Variants in PPRC1 observed in about 807,000 individuals in gnomAD.
The protein encoded by PPRC1 is peroxisome proliferator-activated receptor gamma coactivator-related protein 1.
PPRC1 carries 23 observed loss-of-function variants against 132.5 expected under a neutral mutation model. The ratio of observed to expected loss-of-function variants is 0.17; its 90% CI spans 0.12 to 0.25. The LOEUF is 0.25. Among genes scored for constraint, PPRC1 ranks in the 10% least tolerant of loss-of-function variants. PPRC1 has a pLI of 1.00. For missense variants in PPRC1, 2,006 were observed against 2,089.1 expected (o/e 0.96, Z 0.78); for synonymous variants, 872 against 833.5 (o/e 1.05, Z -0.80).
At chr10:102,132,845 G>C, upstream of PPRC1, 1 of 496,420 alleles carries the variant, frequency 2.0e-6, no homozygotes, top group Non-Finnish European at 3.1e-6. Flanking sequence ...CCTACAGGAT[G>C]CCTGCAGCTA....
At chr10:102,122,608 A>G in the PPRC1 span, among the ~76,000 whole-genome samples, 1 of 151,906 alleles carries the variant, frequency 6.6e-6, no homozygotes, top group African/African-American at 2.4e-5. Context: ...CCTTCCTCCA[A>G]TCCTGTGACC....
chr10:102,120,527 ATTGTCCTGC>A, the PPRC1 span: 1 of 291,998 alleles, frequency 3.4e-6, no homozygotes. Flanking sequence ...TAATATGCTA[ATTGTCCTGC>A]TAGTGGGAGG....
chr10:102,121,086 A>G, the PPRC1 span, among the ~76,000 whole-genome samples: 1 of 152,086 alleles, frequency 6.6e-6, no homozygotes, highest in Admixed American at 6.5e-5. Context: ...AAAAGGGTTA[A>G]TTAAGTGGGG....
chr10:102,140,965 T>G lies in PPRC1; in HGVS notation c.2457T>G (p.Leu819=). Residue 819 remains leucine (L), a synonymous_variant, in exon 5 of 14, where the codon CTT becomes CTG. Transcript: ENST00000278070. ...CTGAAACACCCCTTGAGATTTGCCT[T>G]GTGCCTGTAGGTCCCAGCCCTGCTT... The part of the protein sequence containing the change: ...RSPETPLEIC[L]VPVGPSPASP... 4 of 1,614,050 alleles carry G rather than the reference T, an allele frequency of 2.5e-6. No homozygotes were observed. The highest frequency in any genetic ancestry group is 3.4e-6 in the Non-Finnish European group (4 of 1,179,998).
Position 102,140,520 on chromosome 10 carries a change from T to A in PPRC1, c.2012T>A (p.Val671Asp). 1 of 1,614,102 alleles carries A rather than the reference T, an allele frequency of 6.2e-7. No individual in the cohort carries two copies. Among genetic ancestry groups the A allele is most frequent in the South Asian group, 1.1e-5 (1 of 91,080 alleles). Residue 671 changes from valine to aspartate, a missense_variant, in exon 5 of 14, where the codon GTT becomes GAT. Transcript: ENST00000278070. ...SGPAPVDLAL[V>D]DPVPNDLTPV... Reference sequence around the variant, plus strand: ...CCAGCACCAGTTGATCTAGCACTGGTTGACCCTGTTCCTAATGACCTGACT... The same window carrying A: ...CCAGCACCAGTTGATCTAGCACTGGATGACCCTGTTCCTAATGACCTGACT...
In PPRC1 at chr10:102,141,219, T is replaced by C; in HGVS notation, c.2711T>C (p.Leu904Ser). The change falls in exon 5 of 14, where the codon TTG becomes TCG. Residue 904 changes from leucine to serine, a missense_variant. Around this residue, in one of 2 missense-constraint regions of PPRC1, gnomAD observed 1,914 missense variants for 1,917.2 expected, o/e 1.00. Coordinates refer to ENST00000278070, the MANE Select transcript of PPRC1 (RefSeq NM_015062.5). ...CCCTTGCAGCCTCCTAGTCTTCCAT[T>C]GTCTATGGGGCCAGTACTACCTGAT... ...PPPLQPPSLP[L>S]SMGPVLPDPF... 2.5e-6 allele frequency: 4 copies of C among 1,613,804 alleles called. No homozygotes were observed. Among genetic ancestry groups the C allele is most frequent in the Non-Finnish European group, 3.4e-6 (4 of 1,179,852 alleles).
At chr10:102,134,375 C>G (rs894474218) in intron 1 of PPRC1, among the ~76,000 whole-genome samples, 4 of 152,056 alleles carry the variant, frequency 2.6e-5, no homozygotes, top group African/African-American at 9.7e-5. Context: ...GAGGAGGATT[C>G]TGTTAGATAT....
intron 2 of PPRC1, 51 bp from the exon 3 acceptor site, chr10:102,138,568 G>A (rs2068809025): frequency 6.3e-7 from 1 of 1,596,392 alleles, no homozygotes; most frequent in Non-Finnish European, 8.6e-7. Context: ...TAGTGGCATA[G>A]TAGGTCATTA....
At position 102,145,013 on chromosome 10, in the gene PPRC1, C is replaced by T; in HGVS notation, c.3609-7C>T. On this transcript the variant is annotated splice_region_variant and splice_polypyrimidine_tract_variant and intron_variant, in intron 7 of 13. Transcript: ENST00000278070. ...GAATCAGGCTTTCCCTTTTCCCCCCCCGCCAGCGGCGTTGACATTCCCCAG... is the reference window on the plus strand; with the variant it reads ...GAATCAGGCTTTCCCTTTTCCCCCCTCGCCAGCGGCGTTGACATTCCCCAG... 1 of 1,570,538 alleles carries T rather than the reference C, an allele frequency of 6.4e-7. No individual in the cohort carries two copies. Among genetic ancestry groups the T allele is most frequent in the Non-Finnish European group, 8.6e-7 (1 of 1,160,090 alleles).
Position 102,147,187 on chromosome 10 carries a change from C to G in PPRC1, c.4195C>G (p.Gln1399Glu). The G allele has an allele frequency of 1.2e-6, 2 of 1,614,108 alleles. No homozygotes were observed. Among genetic ancestry groups the G allele is most frequent in the South Asian group, 2.2e-5 (2 of 91,090 alleles). The change falls in exon 9 of 14, where the codon CAG (glutamine) becomes GAG (glutamate). Residue 1399 changes from glutamine to glutamate, a missense_variant. Physicochemically the swap from Gln to Glu is conservative, Grantham distance 29. Coordinates refer to ENST00000278070, the MANE Select transcript of PPRC1 (RefSeq NM_015062.5). ...TRTPPEPSAKQRSMRCYRKAC... is the reference protein window; with the variant it reads ...TRTPPEPSAKERSMRCYRKAC... ...GACTCCCCCTGAACCCTCAGCCAAG[C>G]AGCGGTCAATGCGCTGTTACCGAAA...
chr10:102,132,496 A>T (rs77705593), upstream of PPRC1, among the ~76,000 whole-genome samples: 6,207 of 152,354 alleles, frequency 0.041, 192 homozygotes, highest in Non-Finnish European at 0.061. Context: ...CAAGAAACAA[A>T]TTTGATAGAG....
the PPRC1 span, among the ~76,000 whole-genome samples, chr10:102,123,263 C>G: frequency 1.3e-5 from 2 of 152,156 alleles, no homozygotes; most frequent in Non-Finnish European, 2.9e-5. Flanking sequence ...TAGTGTGGAT[C>G]AGACCTGGGG....
chr10:102,124,248 A>G, the PPRC1 span, among the ~76,000 whole-genome samples: 1 of 151,902 alleles, frequency 6.6e-6, no homozygotes, highest in African/African-American at 2.4e-5. Flanking sequence ...TATTTTTAGT[A>G]GAGATGGGGT....
At chr10:102,144,169 TG>T (rs2069119085) in intron 6 of PPRC1, 80 bp from the exon 7 acceptor site, 1 of 1,388,586 alleles carries the variant, frequency 7.2e-7, no homozygotes, top group Non-Finnish European at 1.0e-6. Context: ...TTTCCTCCTT[TG>T]GGTCTCAAAG....
chr10:102,138,906 A>G lies in PPRC1; in HGVS notation c.517A>G (p.Thr173Ala). 3 of 1,614,036 alleles carry G rather than the reference A, an allele frequency of 1.9e-6. No homozygotes were observed. The highest frequency in any genetic ancestry group is 2.2e-5 in the South Asian group (2 of 91,074). ...GCACAAGCTGCTTACTCTCTCTCGG[A>G]CACCCCCAGAACGTGACCTCATCAC... ...SLHKLLTLSR[T>A]PPERDLITPV... Residue 173 changes from threonine to alanine, a missense_variant, in exon 4 of 14, where the codon ACA (threonine) becomes GCA (alanine). Thr to Ala is a moderately conservative substitution (Grantham distance 58). Coordinates refer to ENST00000278070, the MANE Select transcript of PPRC1 (RefSeq NM_015062.5).
chr10:102,120,266 C>A, the PPRC1 span: 2 of 983,334 alleles, frequency 2.0e-6, no homozygotes, highest in Non-Finnish European at 2.4e-6. Context: ...CCCCTGGCTG[C>A]GGCGAGGGGC....
intron 2 of PPRC1, 123 bp from the exon 3 acceptor site, chr10:102,138,496 C>T: frequency 3.3e-6 from 4 of 1,211,128 alleles, no homozygotes; most frequent in South Asian, 3.0e-5. Context: ...TATTCAGATC[C>T]TTCTCGCTGC....
Position 102,147,398 on chromosome 10 carries a change from CT to C in PPRC1, c.4400+9del. The C allele has an allele frequency of 1.3e-6, 2 of 1,597,344 alleles. No individual in the cohort carries two copies. The highest frequency in any genetic ancestry group is 1.7e-6 in the Non-Finnish European group (2 of 1,174,542). On this transcript the variant is annotated splice_region_variant and intron_variant, in intron 9 of 13. Coordinates refer to ENST00000278070, the MANE Select transcript of PPRC1 (RefSeq NM_015062.5). Reference sequence around the variant, plus strand: ...CCACACAAGAGGTGGCGAAGGTGAGCTTTGATGGCCCTGTAGGTCCTCTCCA... The same window carrying C: ...CCACACAAGAGGTGGCGAAGGTGAGCTTGATGGCCCTGTAGGTCCTCTCCA...
the PPRC1 span, chr10:102,120,043 C>A: frequency 5.1e-5 from 71 of 1,399,784 alleles, no homozygotes; most frequent in African/African-American, 1.0e-3. Flanking sequence ...TCCGCAGGGA[C>A]GGCTGGGCAG....
Sources: allele counts gnomAD v4.1 joint callset (sites outside exome capture counted in the v4.1 genomes callset), GRCh38; gene constraint gnomAD v4.1.1; regional missense constraint gnomAD v4.1.1; transcripts MANE v1.5; gene names NCBI Gene and HGNC (gene_info 2026-07-23, HGNC 2026-07-21).